The following ASPM variants were observed in gnomAD, a reference collection of about 807,000 sequenced individuals.
The protein encoded by ASPM is assembly factor for spindle microtubules.
ASPM carries 256 observed loss-of-function variants against 366.4 expected under a neutral mutation model. That is an observed-to-expected ratio of 0.70 (90% CI 0.63 to 0.77). The LOEUF is 0.77. Ranked by LOEUF, ASPM falls within the 30% of genes least tolerant of loss-of-function variation. ASPM has a pLI of 0.00. For missense variants in ASPM, 4,146 were observed against 4,090.4 expected (o/e 1.01, Z -0.37); for synonymous variants, 1,414 against 1,342.9 (o/e 1.05, Z -1.16).
At chr1:197,099,897 TAA>T (rs1657099158) in intron 18 of ASPM, among the ~76,000 whole-genome samples, 1 of 151,598 alleles carries the variant, frequency 6.6e-6, no homozygotes, top group African/African-American at 2.4e-5. Flanking sequence ...CTTCATATTT[TAA>T]AAGAGATAAT....
In ASPM at chr1:197,133,473, G is replaced by A. The variant is rs1034800662; in HGVS notation, c.2296C>T (p.Arg766Cys). The part of the protein sequence containing the change: ...YTARCRLNRL[R>C]RAACRLFTSE... ...GTAAACAAACGGCATGCTGCACGAC[G>A]TAGTCTGTTTAACCTACACCGAGCA... is the stretch of plus-strand genomic sequence containing the variant. Residue 766 changes from arginine to cysteine, a missense_variant, in exon 6 of 28, where the codon CGT becomes TGT. By Grantham distance (180) the Arg-to-Cys change is radical. This residue lies in a region of ASPM where 3,624 missense variants were observed against 3,591.7 expected (regional missense o/e 1.01). Transcript: ENST00000367409. 6.2e-6 allele frequency: 10 copies of A among 1,613,904 alleles called. No homozygotes were observed. Among genetic ancestry groups the A allele is most frequent in the South Asian group, 2.2e-5 (2 of 91,076 alleles).
In ASPM at chr1:197,143,678, G is replaced by A. The variant is rs762302369; in HGVS notation, c.574C>T (p.Leu192=). The change falls in exon 3 of 28, where the codon CTA becomes TTA. Residue 192 remains leucine (L), a synonymous_variant. Transcript: ENST00000367409. ...ATAGCCAAGTTTTCACAAGCTTGTA[G>A]TGGGCTCCTAACTCTGTCAACTTTT... The part of the protein sequence containing the change: ...SQKVDRVRSP[L]QACENLAMNE... 9.9e-6 allele frequency: 16 copies of A among 1,613,756 alleles called. No individual in the cohort carries two copies. Among genetic ancestry groups the A allele is most frequent in the South Asian group, 7.7e-5 (7 of 91,084 alleles).
At position 197,124,936 on chromosome 1, in the gene ASPM, C is replaced by A. The variant is rs890759975; in HGVS notation, c.3102G>T (p.Lys1034Asn). The A allele has an allele frequency of 6.2e-7, 1 of 1,611,976 alleles. No individual in the cohort carries two copies. The change falls in exon 12 of 28, where the codon AAG becomes AAT. Residue 1034 changes from lysine to asparagine, a missense_variant. Lys to Asn is a moderately conservative substitution (Grantham distance 94, BLOSUM62 0). Around this residue, in one of 3 missense-constraint regions of ASPM, gnomAD observed 3,624 missense variants for 3,591.7 expected, o/e 1.01. Transcript: ENST00000367409. Reference protein sequence around the residue: ...SDEHGNTILSKDIVDRHREKT... With the variant: ...SDEHGNTILSNDIVDRHREKT... ...TTTCTCTGTGCCTATCCACAATATC[C>A]TTAGATAGAATTGTATTTCCTATAA...
intron 4 of ASPM, chr1:197,138,619 G>A (rs1475714899): frequency 2.0e-5 from 9 of 455,570 alleles, no homozygotes; most frequent in Non-Finnish European, 7.9e-6. Flanking sequence ...CTTTAGTTAG[G>A]GAAAATATAC....
In ASPM at chr1:197,103,798, C is replaced by T. The variant is rs549895947; in HGVS notation, c.5453G>A (p.Arg1818His). ...LQAAYRGYKV[R>H]QLIKQQSIAA... ...TATAGATTGTTGTTTGATTAGCTGG[C>T]GTACTTTATAACCTCTGTAAGCTGC... Residue 1818 changes from arginine to histidine, a missense_variant, in exon 18 of 28, where the codon CGC becomes CAC. By Grantham distance (29) the Arg-to-His change is conservative (BLOSUM62 0). Coordinates refer to ENST00000367409, the MANE Select transcript of ASPM (RefSeq NM_018136.5). 6.2e-6 allele frequency: 10 copies of T among 1,612,910 alleles called. No homozygotes were observed. The highest frequency in any genetic ancestry group is 3.3e-5 in the South Asian group (3 of 91,070).
intron 18 of ASPM, 128 bp downstream of exon 18, chr1:197,100,303 G>C (rs1372829466): frequency 3.0e-6 from 2 of 674,982 alleles, no homozygotes; most frequent in African/African-American, 3.7e-5. Context: ...TTCCACTTTG[G>C]AAGATAAATG....
Position 197,129,232 on chromosome 1 carries a change from G to T in ASPM, c.2715C>A (p.Leu905=). Residue 905 remains leucine (L), a synonymous_variant, in exon 9 of 28, where the codon CTC becomes CTA. Coordinates refer to ENST00000367409, the MANE Select transcript of ASPM (RefSeq NM_018136.5). ...CFLDYAKISR[L]IDHDPCLFCK... ...AGAAGAGACAAGGATCATGATCAAT[G>T]AGTCTGGAAATTTTAGCATAATCAA... 2 of 1,612,542 alleles carry T rather than the reference G, an allele frequency of 1.2e-6. No individual in the cohort carries two copies. Among genetic ancestry groups the T allele is most frequent in the Non-Finnish European group, 1.7e-6 (2 of 1,178,752 alleles).
At chr1:197,108,697 G>A (rs769554041) in intron 17 of ASPM, among the ~76,000 whole-genome samples, 1 of 152,036 alleles carries the variant, frequency 6.6e-6, no homozygotes, top group Non-Finnish European at 1.5e-5. Context: ...CTGGCAAGGT[G>A]TAGTAGCTCA....
Position 197,142,600 on chromosome 1 carries a change from A to G in ASPM, c.1652T>C (p.Ile551Thr), listed in dbSNP as rs750788979. 6.2e-6 allele frequency: 10 copies of G among 1,613,106 alleles called. No individual in the cohort carries two copies. In the South Asian group the frequency reaches 1.1e-4, roughly 18 times the overall value. ...FHSYLPIIDPILSKSKSYKNE... is the reference protein window; with the variant it reads ...FHSYLPIIDPTLSKSKSYKNE... ...TTTATAACTCTTAGATTTACTTAATATTGGATCTATAATTGGAAGATAAGA... is the reference window on the plus strand; with the variant it reads ...TTTATAACTCTTAGATTTACTTAATGTTGGATCTATAATTGGAAGATAAGA... Residue 551 changes from isoleucine to threonine, a missense_variant, in exon 3 of 28, where the codon ATA becomes ACA. Physicochemically the swap from Ile to Thr is moderately conservative, Grantham distance 89 (BLOSUM62 -1). Around this residue, in one of 3 missense-constraint regions of ASPM, gnomAD observed 3,624 missense variants for 3,591.7 expected, o/e 1.01. Transcript: ENST00000367409.
intron 7 of ASPM, among the ~76,000 whole-genome samples, chr1:197,131,899 G>A (rs1360929222): frequency 6.6e-6 from 1 of 152,100 alleles, no homozygotes; most frequent in Admixed American, 6.5e-5. Context: ...TTTCGTTAGT[G>A]AAGTGGAAAT....
chr1:197,087,122 T>G (rs750481751), intron 26 of ASPM, 150 bp from the exon 27 acceptor site: 7 of 696,890 alleles, frequency 1.0e-5, no homozygotes, highest in Non-Finnish European at 1.6e-5. Context: ...TCGCCCAGGC[T>G]GAAGTGCAGT....
chr1:197,108,329 C>G (rs901951265), intron 17 of ASPM, among the ~76,000 whole-genome samples: 1 of 151,840 alleles, frequency 6.6e-6, no homozygotes. Flanking sequence ...ATCAGTTACT[C>G]AAGATTATAC....
Position 197,102,793 on chromosome 1 carries a change from T to A in ASPM, c.6458A>T (p.Tyr2153Phe). The A allele has an allele frequency of 6.2e-7, 1 of 1,612,402 alleles. No homozygotes were observed. The highest frequency in any genetic ancestry group is 1.1e-5 in the South Asian group (1 of 91,064). The part of the protein sequence containing the change: ...AIVIQVRCRA[Y>F]YQGKMQREKY... Reference sequence around the variant, plus strand: ...TTCACGCTGCATTTTACCTTGATAATATGCTCTACATCTTACTTGAATAAC... The same window carrying A: ...TTCACGCTGCATTTTACCTTGATAAAATGCTCTACATCTTACTTGAATAAC... The change falls in exon 18 of 28, where the codon TAT becomes TTT. Residue 2153 changes from tyrosine (Y) to phenylalanine (F), a missense_variant. By Grantham distance (22) the Tyr-to-Phe change is conservative. Around this residue, in one of 3 missense-constraint regions of ASPM, gnomAD observed 3,624 missense variants for 3,591.7 expected, o/e 1.01. Coordinates refer to ENST00000367409, the MANE Select transcript of ASPM (RefSeq NM_018136.5).
chr1:197,087,114 G>C (rs868241087), intron 26 of ASPM, 142 bp from the exon 27 acceptor site: 1 of 760,484 alleles, frequency 1.3e-6, no homozygotes, highest in Non-Finnish European at 2.0e-6. Context: ...TTGCTCTGTC[G>C]CCCAGGCTGA....
chr1:197,139,932 G>T, intron 3 of ASPM, 61 bp from the exon 4 acceptor site: 1 of 1,200,220 alleles, frequency 8.3e-7, no homozygotes. Context: ...AAATAGGTCA[G>T]TGATTTGAAA....
At chr1:197,084,715 C>A (rs1656533634) in intron 27 of ASPM, among the ~76,000 whole-genome samples, 1 of 152,114 alleles carries the variant, frequency 6.6e-6, no homozygotes. Context: ...CCTTGTAAAC[C>A]TGGTTCTTGT....
At position 197,102,596 on chromosome 1, in the gene ASPM, C is replaced by T; in HGVS notation, c.6655G>A (p.Val2219Ile). 1.9e-6 allele frequency: 3 copies of T among 1,612,214 alleles called. No individual in the cohort carries two copies. Among genetic ancestry groups the T allele is most frequent in the East Asian group, 2.2e-5 (1 of 44,780 alleles). Reference protein sequence around the residue: ...FNKLKKITKTVQQRYWAMKER... With the variant: ...FNKLKKITKTIQQRYWAMKER... Reference sequence around the variant, plus strand: ...TTCATTGCCCAGTATCTTTGCTGTACTGTTTTTGTTATTTTCTTTAACTTA... The same window carrying T: ...TTCATTGCCCAGTATCTTTGCTGTATTGTTTTTGTTATTTTCTTTAACTTA... The change falls in exon 18 of 28, where the codon GTA becomes ATA. Residue 2219 changes from valine (V) to isoleucine (I), a missense_variant. This residue lies in a region of ASPM where 3,624 missense variants were observed against 3,591.7 expected (regional missense o/e 1.01). Transcript: ENST00000367409.
chr1:197,097,957 T>G (rs1657031497), intron 18 of ASPM, among the ~76,000 whole-genome samples: 1 of 150,082 alleles, frequency 6.7e-6, no homozygotes, highest in African/African-American at 2.4e-5. Flanking sequence ...ATGAGAAAAT[T>G]ATATATATGT....
rs575655814 is a variant in ASPM, at chr1:197,134,666, C to A, written c.2173+430G>T. ...AAACACTTCAAATGTTTGAAAGGCA[C>A]ATCTCTACCTGGTCCCTTTCCCAAG... On this transcript the variant is annotated intron_variant, in intron 5 of 27. Transcript: ENST00000367409. Among the ~76,000 whole-genome samples the A allele has an allele frequency of 2.6e-5, 4 of 152,362 alleles. No homozygotes were observed. The East Asian group carries it at 7.7e-4, about 29-fold the overall frequency.
Sources: allele counts gnomAD v4.1 joint callset (sites outside exome capture counted in the v4.1 genomes callset), GRCh38; gene constraint gnomAD v4.1.1; regional missense constraint gnomAD v4.1.1; transcripts MANE v1.5; gene names NCBI Gene and HGNC (gene_info 2026-07-23, HGNC 2026-07-21).